DNAI7: variants seen among roughly 807,000 people sequenced by gnomAD.
The protein encoded by DNAI7 is cancer susceptibility 1.
Under a neutral mutation model 86.6 loss-of-function variants are expected in DNAI7, and 78 were observed. The ratio of observed to expected loss-of-function variants is 0.90; its 90% CI spans 0.75 to 1.09. The LOEUF (loss-of-function observed/expected upper bound fraction) is 1.09. Among genes scored for constraint, DNAI7 ranks in the 50% least tolerant of loss-of-function variants. The pLI, the probability that DNAI7 is intolerant of heterozygous loss-of-function variation, is 0.00. For missense variants in DNAI7, 753 were observed against 810.2 expected (o/e 0.93, Z 0.86); for synonymous variants, 274 against 273.0 (o/e 1.00, Z -0.04).
intron 9 of DNAI7, among the ~76,000 whole-genome samples, chr12:25,128,249 A>G (rs879917517): frequency 6.6e-6 from 1 of 152,226 alleles, no homozygotes; most frequent in Non-Finnish European, 1.5e-5. Flanking sequence ...TCATCAAAAG[A>G]TAATTTAAAT....
At chr12:25,173,675 A>G (rs1185988226) in intron 2 of DNAI7, among the ~76,000 whole-genome samples, 1 of 151,988 alleles carries the variant, frequency 6.6e-6, no homozygotes, top group African/African-American at 2.4e-5. Context: ...AGCACAATTC[A>G]CAATTGCAAA....
At chr12:25,143,451 T>C (rs1040261551) in intron 9 of DNAI7, among the ~76,000 whole-genome samples, 2 of 152,140 alleles carry the variant, frequency 1.3e-5, no homozygotes, top group African/African-American at 2.4e-5. Flanking sequence ...GGTTTCACCA[T>C]GTTGGCCAGG....
intron 13 of DNAI7, among the ~76,000 whole-genome samples, chr12:25,113,545 C>A (rs1312598898): frequency 6.6e-6 from 1 of 152,146 alleles, no homozygotes; most frequent in Non-Finnish European, 1.5e-5. Flanking sequence ...CACGATCCAC[C>A]CACTTCAGCC....
chr12:25,170,207 A>G (rs1947983742), intron 2 of DNAI7, among the ~76,000 whole-genome samples: 1 of 152,092 alleles, frequency 6.6e-6, no homozygotes, highest in South Asian at 2.1e-4. Context: ...CCTGACCAAC[A>G]TGGTGAAACT....
chr12:25,170,915 T>A (rs1289833900), intron 2 of DNAI7, among the ~76,000 whole-genome samples: 1 of 152,096 alleles, frequency 6.6e-6, no homozygotes, highest in African/African-American at 2.4e-5. Context: ...AATTGAAAAA[T>A]TCTTCCAACT....
At chr12:25,156,740 C>CAA (rs1434754723) in intron 4 of DNAI7, among the ~76,000 whole-genome samples, 9 of 143,196 alleles carry the variant, frequency 6.3e-5, no homozygotes, top group East Asian at 6.1e-4. Flanking sequence ...GACTCTGTCT[C>CAA]AAAAAAAAAA....
At chr12:25,120,538 C>T (rs1592230633) in intron 11 of DNAI7, among the ~76,000 whole-genome samples, 1 of 148,852 alleles carries the variant, frequency 6.7e-6, no homozygotes, top group African/African-American at 2.4e-5. Context: ...CTGGCTAACA[C>T]GGTGAAACCC....
chr12:25,123,231 A>C lies in DNAI7; in HGVS notation c.1058T>G (p.Leu353Ter). ...AATACCTGCTGAAACAGTTTCACTT[A>C]ATACTTTCATCTCTCGTTCACATTT... is the stretch of plus-strand genomic sequence containing the variant. The part of the protein sequence containing the change: ...AIKCEREMKV[L>*]SETVSAAQLL... The change falls in exon 10 of 16, where the codon TTA (leucine) becomes TGA (stop). Residue 353 changes from leucine to a stop codon, truncating the protein, a stop_gained. Coordinates refer to ENST00000395987, the MANE Select transcript of DNAI7 (RefSeq NM_018272.5). LOFTEE classifies it high-confidence loss of function. 1 of 1,602,104 alleles carries C rather than the reference A, an allele frequency of 6.2e-7. No homozygotes were observed.
At chr12:25,113,279 CTGTTGTTGTTGT>C (rs111423023) in intron 13 of DNAI7, among the ~76,000 whole-genome samples, 46 of 150,672 alleles carry the variant, frequency 3.1e-4, no homozygotes, top group Middle Eastern at 3.4e-3. Flanking sequence ...GTTGTTGTTG[CTGTTGTTGTTGT>C]TGTTGTTGTT....
intron 2 of DNAI7, among the ~76,000 whole-genome samples, chr12:25,168,215 C>T (rs1947723147): frequency 6.6e-6 from 1 of 152,160 alleles, no homozygotes; most frequent in Non-Finnish European, 1.5e-5. Flanking sequence ...CGCACAAGGT[C>T]TCTTCTTCCT....
downstream of DNAI7, chr12:25,107,967 C>T (rs114192162): frequency 2.7e-4 from 437 of 1,614,084 alleles, 2 homozygotes; most frequent in East Asian, 5.6e-3. Context: ...CTGTGGATGC[C>T]GCTCCCACAC....
At position 25,155,310 on chromosome 12, in the gene DNAI7, C is replaced by T. The variant is rs767479752; in HGVS notation, c.300+1G>A. 40 of 1,554,002 alleles carry T rather than the reference C, an allele frequency of 2.6e-5. No homozygotes were observed. The Middle Eastern group carries it at 8.4e-4, about 33-fold the overall frequency. On this transcript the variant is annotated splice_donor_variant, in intron 5 of 15. Coordinates refer to ENST00000395987, the MANE Select transcript of DNAI7 (RefSeq NM_018272.5). LOFTEE classifies it high-confidence loss of function. ...AGCTAAAAAAGAGAAATCAGTCCTA[C>T]CTGAGAAAGCAATTTAGTTTCCTGT...
At chr12:25,158,622 TA>T in intron 3 of DNAI7, 59 bp from the exon 4 acceptor site, 1 of 1,550,058 alleles carries the variant, frequency 6.5e-7, no homozygotes, top group Non-Finnish European at 8.7e-7. Flanking sequence ...TTTAAGCCCT[TA>T]AAATTACTCC....
intron 9 of DNAI7, among the ~76,000 whole-genome samples, chr12:25,130,536 C>CAAAATAAAATAAAAT (rs10557708): frequency 6.1e-5 from 9 of 146,526 alleles, no homozygotes; most frequent in African/African-American, 2.4e-4. Context: ...GACTCCCTCT[C>CAAAATAAAATAAAAT]AAAATAAAAT....
intron 2 of DNAI7, among the ~76,000 whole-genome samples, chr12:25,166,600 G>A (rs906545823): frequency 7.2e-5 from 11 of 151,950 alleles, no homozygotes; most frequent in African/African-American, 2.4e-4. Context: ...ATAAAGACAC[G>A]TGCTCTCCCT....
At chr12:25,173,895 T>C (rs1948431637) in intron 2 of DNAI7, among the ~76,000 whole-genome samples, 1 of 85,456 alleles carries the variant, frequency 1.2e-5, no homozygotes, top group African/African-American at 4.4e-5. Context: ...CATTCATATA[T>C]ATACCACATC....
chr12:25,165,582 C>T (rs183437973), intron 2 of DNAI7, among the ~76,000 whole-genome samples: 165 of 151,410 alleles, frequency 1.1e-3, no homozygotes, highest in Middle Eastern at 6.8e-3. Flanking sequence ...GGCTCTCTGA[C>T]TGACTCCTTC....
intron 2 of DNAI7, among the ~76,000 whole-genome samples, chr12:25,167,824 C>T (rs1364709744): frequency 6.6e-6 from 1 of 152,166 alleles, no homozygotes; most frequent in Non-Finnish European, 1.5e-5. Context: ...ATCAACTCTA[C>T]TCCCCACATA....
intron 1 of DNAI7, among the ~76,000 whole-genome samples, chr12:25,194,194 C>T (rs1255607074): frequency 6.6e-6 from 1 of 152,182 alleles, no homozygotes; most frequent in Non-Finnish European, 1.5e-5. Context: ...AAGCACCACT[C>T]TCCTTCCCTT....
Sources: gnomAD v4.1 joint callset for allele counts (sites outside exome capture counted in the v4.1 genomes callset) on GRCh38, gnomAD v4.1.1 for gene constraint, MANE v1.5 for transcripts, NCBI Gene and HGNC (gene_info 2026-07-23, HGNC 2026-07-21) for gene names.